Variants in SCNN1B observed in about 807,000 individuals in gnomAD.
SCNN1B encodes epithelial sodium channel subunit beta.
Under a neutral mutation model 65.3 loss-of-function variants are expected in SCNN1B, and 46 were observed. The ratio of observed to expected loss-of-function variants is 0.70; its 90% CI spans 0.56 to 0.90. The LOEUF (loss-of-function observed/expected upper bound fraction) is 0.90. SCNN1B is among the 40% of genes least tolerant of loss of function. The pLI is 0.00. For missense variants in SCNN1B, 751 were observed against 830.5 expected, an observed-to-expected ratio of 0.90 and a Z score of 1.18; for synonymous variants, 349 against 330.6, an observed-to-expected ratio of 1.06 and a Z score of -0.60.
At position 23,286,985 on chromosome 16, in the gene SCNN1B, CTGT is replaced by C. The variant is rs373399380; in HGVS notation, n.178+3193_178+3195del. Among the ~76,000 whole-genome samples the C allele has an allele frequency of 1.2e-3, 181 of 146,368 alleles. 1 individual carries two copies. The highest frequency in any genetic ancestry group is 4.1e-3 in the African/African-American group (162 of 39,248). ...GTTGTTGTTGATGTTGTTGTTGTTG[CTGT>C]TGTTGTTGTTGCTGGGTTGTTTTTT... On this transcript the variant is annotated intron_variant and non_coding_transcript_variant, in intron 2 of 3. Coordinates refer to the SCNN1B transcript ENST00000569789.
intron 1 of SCNN1B, among the ~76,000 whole-genome samples, chr16:23,334,945 CT>C (rs1961905500): frequency 6.6e-6 from 1 of 152,236 alleles, no homozygotes; most frequent in African/African-American, 2.4e-5. Context: ...ACAGTTTAAT[CT>C]TTGCAAATCT....
intron 1 of SCNN1B, among the ~76,000 whole-genome samples, chr16:23,278,596 A>G (rs1287103767): frequency 6.6e-6 from 1 of 151,932 alleles, no homozygotes; most frequent in African/African-American, 2.4e-5. Context: ...CTTAATGAGT[A>G]TGGGGTTTTC....
intron 1 of SCNN1B, among the ~76,000 whole-genome samples, chr16:23,280,504 C>T (rs1960769720): frequency 6.6e-6 from 1 of 152,156 alleles, no homozygotes; most frequent in Non-Finnish European, 1.5e-5. Context: ...TAGGCGTGAG[C>T]CACCATGCCT....
chr16:23,363,628 C>T (rs2142031379), intron 4 of SCNN1B, among the ~76,000 whole-genome samples: 1 of 152,230 alleles, frequency 6.6e-6, no homozygotes, highest in East Asian at 1.9e-4. Context: ...GCCTGGGCAA[C>T]ATAGCAAGAC....
At chr16:23,323,291 A>G (rs1961626317) in intron 1 of SCNN1B, among the ~76,000 whole-genome samples, 1 of 152,136 alleles carries the variant, frequency 6.6e-6, no homozygotes, top group African/African-American at 2.4e-5. Flanking sequence ...AGCTGCACCT[A>G]GAAAAAGGTA....
chr16:23,370,105 A>AT (rs368650924), intron 5 of SCNN1B, among the ~76,000 whole-genome samples: 72 of 148,152 alleles, frequency 4.9e-4, no homozygotes, highest in Non-Finnish European at 6.3e-4. Context: ...TAATTTTTGT[A>AT]TTTTTTTTTC....
Position 23,348,912 on chromosome 16 carries a change from T to G in SCNN1B, c.311+2T>G, listed in dbSNP as rs761522052. On this transcript the variant is annotated splice_donor_variant, in intron 2 of 12. Transcript: ENST00000343070. LOFTEE classifies it high-confidence loss of function. This position sits in a 1 kb window ranked among gnomAD's most constrained non-coding sequence, Gnocchi z 4.5. Reference sequence around the variant, plus strand: ...CATCTGCAATGCTAGCCCCTTCAAGTAGGTGGCCCCGGAGTGCACAGCTGG... The same window carrying G: ...CATCTGCAATGCTAGCCCCTTCAAGGAGGTGGCCCCGGAGTGCACAGCTGG... 1 of 1,613,940 alleles carries G rather than the reference T, an allele frequency of 6.2e-7. No homozygotes were observed. Among genetic ancestry groups the G allele is most frequent in the South Asian group, 1.1e-5 (1 of 91,066 alleles).
chr16:23,333,149 AGAAGGAAGGAAGGAAGGAAGGAAGGAAG>A (rs57483761), intron 1 of SCNN1B, among the ~76,000 whole-genome samples: 24 of 89,470 alleles, frequency 2.7e-4, no homozygotes, highest in Admixed American at 9.1e-4. Flanking sequence ...AAGGAAGGAA[AGAAGGAAGGAAGGAAGGAAGGAAGGAAG>A]GAAGGAAGGA....
intron 1 of SCNN1B, among the ~76,000 whole-genome samples, chr16:23,345,479 A>C (rs1962167236): frequency 6.6e-6 from 1 of 152,186 alleles, no homozygotes; most frequent in Admixed American, 6.5e-5. Flanking sequence ...CAAATGGCAA[A>C]GTCAGAAATT....
At chr16:23,293,278 A>G (rs1960952900) in intron 2 of SCNN1B, among the ~76,000 whole-genome samples, 1 of 152,182 alleles carries the variant, frequency 6.6e-6, no homozygotes, top group Admixed American at 6.5e-5. Context: ...CCATAAACAG[A>G]TAAATGGACA....
rs747289100 is a variant in SCNN1B, at chr16:23,377,183, T to C, written c.1289T>C (p.Leu430Pro). ...FPDWAHCYSDLQMSVAQRETC... is the reference protein window; with the variant it reads ...FPDWAHCYSDPQMSVAQRETC... ...TGCGCAGCCCATTGCTACTCAGATC[T>C]ACAGATGAGCGTGGCGCAGAGAGAG... is the stretch of plus-strand genomic sequence containing the variant. Residue 430 changes from leucine to proline, a missense_variant, in exon 9 of 13, where the codon CTA (leucine) becomes CCA (proline). By Grantham distance (98) the Leu-to-Pro change is moderately conservative (BLOSUM62 -3). Coordinates refer to ENST00000343070, the MANE Select transcript of SCNN1B (RefSeq NM_000336.3). The C allele has an allele frequency of 1.2e-6, 2 of 1,614,180 alleles. No individual in the cohort carries two copies. Among genetic ancestry groups the C allele is most frequent in the East Asian group, 4.5e-5 (2 of 44,876 alleles).
intron 1 of SCNN1B, among the ~76,000 whole-genome samples, chr16:23,331,731 G>C (rs1375527635): frequency 6.6e-6 from 1 of 152,120 alleles, no homozygotes; most frequent in Non-Finnish European, 1.5e-5. Flanking sequence ...TGAATTTGGT[G>C]GGGGGACACA....
chr16:23,345,939 G>A (rs1962176216), intron 1 of SCNN1B, among the ~76,000 whole-genome samples: 1 of 152,172 alleles, frequency 6.6e-6, no homozygotes, highest in African/African-American at 2.4e-5. Context: ...CAGGAATAGA[G>A]CTGGGATGCT....
chr16:23,313,413 A>C (rs1404270103), intron 1 of SCNN1B, among the ~76,000 whole-genome samples: 1 of 152,140 alleles, frequency 6.6e-6, no homozygotes. Context: ...ACCCCTCTAC[A>C]AAGGATCTCA....
At chr16:23,287,880 A>G (rs1319792387) in intron 2 of SCNN1B, among the ~76,000 whole-genome samples, 2 of 150,130 alleles carry the variant, frequency 1.3e-5, no homozygotes, top group African/African-American at 4.9e-5. Flanking sequence ...CCTGGGTTGA[A>G]GCAGTGACTC....
At chr16:23,320,621 T>A (rs895932049) in intron 1 of SCNN1B, among the ~76,000 whole-genome samples, 1 of 152,238 alleles carries the variant, frequency 6.6e-6, no homozygotes, top group Non-Finnish European at 1.5e-5. Context: ...GTCCATGTGT[T>A]GCAAACCTCT....
chr16:23,343,652 A>G (rs1359108421), intron 1 of SCNN1B, among the ~76,000 whole-genome samples: 5 of 118,622 alleles, frequency 4.2e-5, no homozygotes, highest in Admixed American at 1.6e-4. Flanking sequence ...AGAAAGAAAA[A>G]AAGAAAGGAA....
chr16:23,294,597 TC>T (rs1960969587), intron 2 of SCNN1B, among the ~76,000 whole-genome samples: 1 of 152,104 alleles, frequency 6.6e-6, no homozygotes, highest in South Asian at 2.1e-4. Context: ...CCCTTGCTGT[TC>T]CCTCTGCCTG....
At chr16:23,336,704 C>A (rs1210500137) in intron 1 of SCNN1B, among the ~76,000 whole-genome samples, 1 of 152,000 alleles carries the variant, frequency 6.6e-6, no homozygotes, top group African/African-American at 2.4e-5. Flanking sequence ...CTCAGAGGAA[C>A]CTTTTTCTGA....
Sources: allele counts gnomAD v4.1 joint callset (sites outside exome capture counted in the v4.1 genomes callset), GRCh38; gene constraint gnomAD v4.1.1; non-coding constraint Gnocchi (gnomAD v3.1); transcripts MANE v1.5; gene names NCBI Gene and HGNC (gene_info 2026-07-23, HGNC 2026-07-21).